Variants in PIEZO2 observed in about 807,000 individuals in gnomAD.
The protein encoded by PIEZO2 is piezo type mechanosensitive ion channel component 2, also known as piezo-type mechanosensitive ion channel component 2.
A neutral mutation model predicts 337.3 loss-of-function variants in PIEZO2; 172 were observed. The ratio of observed to expected loss-of-function variants is 0.51; its 90% CI spans 0.45 to 0.58. PIEZO2 has a LOEUF of 0.58. PIEZO2 is among the 20% of genes least tolerant of loss of function. The probability of loss-of-function intolerance (pLI) is 0.00; values close to 1 mark genes in which losing one functional copy is unlikely to be tolerated. For missense variants in PIEZO2, 3,028 were observed against 3,391.3 expected, an observed-to-expected ratio of 0.89 and a Z score of 2.66; for synonymous variants, 1,251 against 1,228.5, an observed-to-expected ratio of 1.02 and a Z score of -0.38.
In PIEZO2 at chr18:10,863,955, G is replaced by T. The variant is rs1223381726; in HGVS notation, c.493-6744C>A. ...CATCCTGAACCACCTATTTTCTCTTGTAGGAACCAGCTAAGTGTAGCTGTT... is the reference window on the plus strand; with the variant it reads ...CATCCTGAACCACCTATTTTCTCTTTTAGGAACCAGCTAAGTGTAGCTGTT... On this transcript the variant is annotated intron_variant, in intron 5 of 55. Coordinates refer to ENST00000674853, the MANE Select transcript of PIEZO2 (RefSeq NM_001378183.1). The surrounding 1 kb of genome is among the most constrained non-coding windows in gnomAD (Gnocchi z 4.3). Among the ~76,000 whole-genome samples, 1 of 152,038 alleles carries T rather than the reference G, an allele frequency of 6.6e-6. No individual in the cohort carries two copies. The highest frequency in any genetic ancestry group is 1.5e-5 in the Non-Finnish European group (1 of 68,024).
chr18:10,893,210 A>G (rs1372194737), intron 4 of PIEZO2, among the ~76,000 whole-genome samples: 2 of 152,234 alleles, frequency 1.3e-5, no homozygotes, highest in Non-Finnish European at 2.9e-5. Flanking sequence ...AAGATTTGTT[A>G]TTTTTATAAA....
At chr18:10,998,240 G>GT (rs1296575195) in intron 2 of PIEZO2, among the ~76,000 whole-genome samples, 1 of 152,026 alleles carries the variant, frequency 6.6e-6, no homozygotes, top group Non-Finnish European at 1.5e-5. Flanking sequence ...CAATGCTAAT[G>GT]TAAGTTCTTC....
At position 10,781,501 on chromosome 18, in the gene PIEZO2, A is replaced by T; in HGVS notation, c.2493-1135T>A. Among the ~76,000 whole-genome samples the T allele has an allele frequency of 6.6e-6, 1 of 152,048 alleles. No homozygotes were observed. Among genetic ancestry groups the T allele is most frequent in the Middle Eastern group, 3.4e-3 (1 of 292 alleles). On this transcript the variant is annotated intron_variant, in intron 17 of 55. Coordinates refer to ENST00000674853, the MANE Select transcript of PIEZO2 (RefSeq NM_001378183.1). The surrounding 1 kb of genome is among the most constrained non-coding windows in gnomAD (Gnocchi z 4.1). Reference sequence around the variant, plus strand: ...AAAAAAAAACCAGTAATGAATATTTAAATAGTCCTTTGTAAATCATTGCTA... The same window carrying T: ...AAAAAAAAACCAGTAATGAATATTTTAATAGTCCTTTGTAAATCATTGCTA...
intron 1 of PIEZO2, among the ~76,000 whole-genome samples, chr18:11,090,753 A>C (rs2039051387): frequency 6.6e-6 from 1 of 151,982 alleles, no homozygotes. Flanking sequence ...TACTAAAAAA[A>C]CACAAAAAAC....
At chr18:10,972,388 G>T (rs895643018) in intron 3 of PIEZO2, among the ~76,000 whole-genome samples, 1 of 152,098 alleles carries the variant, frequency 6.6e-6, no homozygotes, top group Admixed American at 6.5e-5. Flanking sequence ...CAAGCTTTCA[G>T]GTAGGTGCCG....
intron 1 of PIEZO2, among the ~76,000 whole-genome samples, chr18:11,090,751 A>G (rs2039051235): frequency 1.3e-5 from 2 of 152,212 alleles, no homozygotes; most frequent in Admixed American, 6.5e-5. Context: ...TCTACTAAAA[A>G]AACACAAAAA....
intron 2 of PIEZO2, among the ~76,000 whole-genome samples, chr18:10,995,713 A>C (rs953375062): frequency 6.6e-6 from 1 of 152,040 alleles, no homozygotes; most frequent in Non-Finnish European, 1.5e-5. Flanking sequence ...ACCACGAAAA[A>C]CCACACATCT....
chr18:10,989,375 AC>A (rs2035006543), intron 2 of PIEZO2, among the ~76,000 whole-genome samples: 1 of 152,254 alleles, frequency 6.6e-6, no homozygotes, highest in Non-Finnish European at 1.5e-5. Flanking sequence ...ATCAATAAAG[AC>A]CTAAGTCTGA....
In PIEZO2 at chr18:10,680,240, G is replaced by A. The variant is rs562510737; in HGVS notation, c.7911C>T (p.Pro2637=). 3 of 1,613,738 alleles carry A rather than the reference G, an allele frequency of 1.9e-6. 1 individual carries two copies. The highest frequency in any genetic ancestry group is 2.2e-5 in the South Asian group (2 of 91,044). The change falls in exon 52 of 56, where the codon CCC becomes CCT. Residue 2637 remains proline (P), a synonymous_variant. Transcript: ENST00000674853. ...KQKMIHELLD[P]NSSFSVVFSW... Reference sequence around the variant, plus strand: ...AAAAAACAACAGAGAAGCTACTATTGGGGTCCAGGAGTTCGTGTATCATTT... The same window carrying A: ...AAAAAACAACAGAGAAGCTACTATTAGGGTCCAGGAGTTCGTGTATCATTT...
intron 2 of PIEZO2, among the ~76,000 whole-genome samples, chr18:11,064,410 C>T (rs12455924): frequency 0.15 from 23,049 of 152,154 alleles, 2,679 homozygotes; most frequent in African/African-American, 0.33. Context: ...TCTTTTACCA[C>T]GAGCAGTGCC....
intron 27 of PIEZO2, among the ~76,000 whole-genome samples, chr18:10,755,596 T>C (rs2037805483): frequency 6.6e-6 from 1 of 152,098 alleles, no homozygotes; most frequent in Non-Finnish European, 1.5e-5. Context: ...AAATGGTGAA[T>C]GCATGGTGAG....
At position 11,002,821 on chromosome 18, in the gene PIEZO2, C is replaced by T. The variant is rs1027765570; in HGVS notation, c.161-23161G>A. Among the ~76,000 whole-genome samples the T allele has an allele frequency of 6.6e-6, 1 of 152,134 alleles. No homozygotes were observed. Among genetic ancestry groups the T allele is most frequent in the African/African-American group, 2.4e-5 (1 of 41,412 alleles). On this transcript the variant is annotated intron_variant, in intron 2 of 55. Transcript: ENST00000674853. The surrounding 1 kb of genome is among the most constrained non-coding windows in gnomAD (Gnocchi z 4.3). ...CATTGGATAATCCAATTTCAAGCACCCCAATAAAATGGCTTTTCTCACACA... is the reference window on the plus strand; with the variant it reads ...CATTGGATAATCCAATTTCAAGCACTCCAATAAAATGGCTTTTCTCACACA...
At chr18:10,932,238 A>G (rs979563708) in intron 3 of PIEZO2, among the ~76,000 whole-genome samples, 3 of 152,036 alleles carry the variant, frequency 2.0e-5, no homozygotes, top group Non-Finnish European at 2.9e-5. Flanking sequence ...TTTACAAAAA[A>G]TACAAAAATT....
intron 54 of PIEZO2, among the ~76,000 whole-genome samples, chr18:10,674,303 T>C (rs1266087569): frequency 1.3e-5 from 2 of 152,246 alleles, no homozygotes; most frequent in African/African-American, 2.4e-5. Flanking sequence ...AAATTACTGA[T>C]TGTTGAGCAA....
At chr18:11,106,418 C>CTCTTTTTTT (rs1555714750) in intron 1 of PIEZO2, among the ~76,000 whole-genome samples, 2 of 129,598 alleles carry the variant, frequency 1.5e-5, no homozygotes, top group African/African-American at 6.3e-5. Flanking sequence ...TTTCCTCTCT[C>CTCTTTTTTT]TTTTTTTTTT....
intron 3 of PIEZO2, among the ~76,000 whole-genome samples, chr18:10,976,289 C>T (rs191498889): frequency 3.3e-5 from 5 of 152,260 alleles, no homozygotes; most frequent in Admixed American, 2.0e-4. Flanking sequence ...AAATGCTACA[C>T]ATAAAACTAA....
chr18:10,743,958 CT>C (rs1050541210), intron 31 of PIEZO2, among the ~76,000 whole-genome samples, 183 bp downstream of exon 31: 1 of 152,178 alleles, frequency 6.6e-6, no homozygotes, highest in Non-Finnish European at 1.5e-5. Context: ...TGTTAAACTG[CT>C]TTCACTTTCA....
chr18:10,765,895 G>T (rs2143921051), intron 21 of PIEZO2, among the ~76,000 whole-genome samples: 1 of 152,186 alleles, frequency 6.6e-6, no homozygotes, highest in Non-Finnish European at 1.5e-5. Flanking sequence ...TGTGGGGAGG[G>T]GCCGGGAAGG....
Position 10,888,223 on chromosome 18 carries a change from A to G in PIEZO2, c.330-16808T>C, listed in dbSNP as rs2042662858. 6.6e-6 allele frequency among the ~76,000 whole-genome samples: 1 copy of G among 152,186 alleles called. No homozygotes were observed. The highest frequency in any genetic ancestry group is 2.4e-5 in the African/African-American group (1 of 41,448). ...TCTTAGCTAAGTAATATCAGTGTGG[A>G]TGCATGAACTTCTCTTTTATTAGAT... On this transcript the variant is annotated intron_variant, in intron 4 of 55. Transcript: ENST00000674853. The surrounding 1 kb of genome is among the most constrained non-coding windows in gnomAD (Gnocchi z 4.1).
Sources: allele counts gnomAD v4.1 joint callset (sites outside exome capture counted in the v4.1 genomes callset), GRCh38; gene constraint gnomAD v4.1.1; non-coding constraint Gnocchi (gnomAD v3.1); transcripts MANE v1.5; gene names NCBI Gene and HGNC (gene_info 2026-07-23, HGNC 2026-07-21).